Variants in DRAM1 observed in about 807,000 individuals in gnomAD.
DRAM1 encodes the protein DNA damage-regulated autophagy modulator protein 1.
A neutral mutation model predicts 28.5 loss-of-function variants in DRAM1; 25 were observed. The observed-to-expected ratio is 0.88, with a 90% CI of 0.64 to 1.23. The LOEUF is 1.23. Among genes scored for constraint, DRAM1 ranks in the 50% most tolerant of loss-of-function variants. The pLI is 0.00. For missense variants in DRAM1, 249 were observed against 299.2 expected (o/e 0.83, Z 1.24); for synonymous variants, 113 against 114.2 (o/e 0.99, Z 0.07).
Position 101,897,552 on chromosome 12 carries a change from G to T in DRAM1, c.132-311G>T, listed in dbSNP as rs546929315. ...TTTGTTTTTGTTTTTCTTTTTCAAA[G>T]TAGTCATTCTTCACTGAGAAGGAAC... On this transcript the variant is annotated intron_variant, in intron 1 of 6. Transcript: ENST00000258534. Among the ~76,000 whole-genome samples, 13 of 150,656 alleles carry T rather than the reference G, an allele frequency of 8.6e-5. No individual in the cohort carries two copies. The South Asian group carries it at 2.7e-3, about 32-fold the overall frequency.
intron 1 of DRAM1, among the ~76,000 whole-genome samples, chr12:101,887,469 C>T (rs1465589351): frequency 1.3e-5 from 2 of 151,972 alleles, no homozygotes; most frequent in Non-Finnish European, 2.9e-5. Flanking sequence ...CATTGATACA[C>T]TTTAAGTTAA....
intron 1 of DRAM1, among the ~76,000 whole-genome samples, chr12:101,886,128 GA>G (rs1872879190): frequency 6.6e-6 from 1 of 152,200 alleles, no homozygotes; most frequent in Non-Finnish European, 1.5e-5. Flanking sequence ...CACAGTTAGA[GA>G]TGAAATCCTT....
At chr12:101,906,879 G>GAA (rs1873834944) in intron 3 of DRAM1, among the ~76,000 whole-genome samples, 1 of 140,388 alleles carries the variant, frequency 7.1e-6, no homozygotes, top group Non-Finnish European at 1.5e-5. Flanking sequence ...AAAAAGAAAA[G>GAA]AAAAGAAAAG....
Position 101,877,971 on chromosome 12 carries a change from A to T in DRAM1, c.131+51A>T. The T allele has an allele frequency of 7.1e-7, 1 of 1,401,866 alleles. No individual in the cohort carries two copies. Among genetic ancestry groups the T allele is most frequent in the Admixed American group, 2.4e-5 (1 of 41,246 alleles). 86.8% of individuals were successfully genotyped at this position (1,401,866 alleles called of 1,614,324 possible). On this transcript the variant is annotated intron_variant, in intron 1 of 6. Transcript: ENST00000258534. This position sits in a 1 kb window ranked among gnomAD's most constrained non-coding sequence, Gnocchi z 4.1. ...CCCCAGGAGCAGGCACAGGGACCAC[A>T]GGGAGCGCTGCCGACGGGGAGGGAA...
chr12:101,890,702 T>C (rs1324997597), intron 1 of DRAM1, among the ~76,000 whole-genome samples: 1 of 152,020 alleles, frequency 6.6e-6, no homozygotes, highest in African/African-American at 2.4e-5. Flanking sequence ...AAATTCTTTT[T>C]AAGTTTCAGA....
chr12:101,892,652 TGAACTATTCTTGA>T (rs1490004933), intron 1 of DRAM1, among the ~76,000 whole-genome samples: 1 of 152,218 alleles, frequency 6.6e-6, no homozygotes, highest in Non-Finnish European at 1.5e-5. Flanking sequence ...AAAGTTTTCA[TGAACTATTCTTGA>T]GCAAAATTTC....
intron 2 of DRAM1, among the ~76,000 whole-genome samples, chr12:101,899,652 C>T (rs1490130558): frequency 6.7e-6 from 1 of 149,018 alleles, no homozygotes; most frequent in Non-Finnish European, 1.5e-5. Flanking sequence ...GCACTCCCAC[C>T]CAGGTGACAG....
rs1873236107 is a variant in DRAM1 at position 101,893,809 on chromosome 12, A to G, written c.132-4054A>G. ...TTTGGCCAGTACTGATATTCATTCA[A>G]TGGCTATTTGCAAAGTGCTTTTGGT... On this transcript the variant is annotated intron_variant, in intron 1 of 6. Coordinates refer to ENST00000258534, the MANE Select transcript of DRAM1 (RefSeq NM_018370.3). Among the ~76,000 whole-genome samples, 3 of 151,508 alleles carry G rather than the reference A, an allele frequency of 2.0e-5. No homozygotes were observed. The South Asian group carries it at 6.3e-4, about 32-fold the overall frequency.
intron 1 of DRAM1, among the ~76,000 whole-genome samples, chr12:101,896,768 A>G (rs529890423): frequency 1.8e-4 from 27 of 152,198 alleles, no homozygotes; most frequent in African/African-American, 6.5e-4. Flanking sequence ...CTAGAGATCA[A>G]TAATATTGTT....
chr12:101,919,283 C>T (rs911171768), intron 5 of DRAM1, among the ~76,000 whole-genome samples: 27 of 141,804 alleles, frequency 1.9e-4, no homozygotes, highest in Admixed American at 6.2e-4. Context: ...GACACACACA[C>T]GCACACACAC....
At position 101,908,307 on chromosome 12, in the gene DRAM1, C is replaced by T. The variant is rs557287563; in HGVS notation, c.464C>T (p.Ser155Leu). 7.2e-5 allele frequency: 116 copies of T among 1,614,148 alleles called. No homozygotes were observed. Among genetic ancestry groups the T allele is most frequent in the African/African-American group, 1.5e-4 (11 of 75,038 alleles). The change falls in exon 4 of 7, where the codon TCG becomes TTG. Residue 155 changes from serine to leucine, a missense_variant. Coordinates refer to ENST00000258534, the MANE Select transcript of DRAM1 (RefSeq NM_018370.3). The stretch of plus-strand genomic sequence containing the variant: ...TCATGTCCCCAGTGGAACAGTCTCT[C>T]GACATGCCACATACGGATGGTCATC... The part of the protein sequence containing the change: ...YKSCPQWNSL[S>L]TCHIRMVISA...
chr12:101,895,186 G>GTTTTTTTTTTTTTTGTTTTGT (rs1873301395), intron 1 of DRAM1, among the ~76,000 whole-genome samples: 3 of 75,734 alleles, frequency 4.0e-5, no homozygotes, highest in Non-Finnish European at 7.0e-5. Context: ...AACCCTTCAG[G>GTTTTTTTTTTTTTTGTTTTGT]TTTTTTTTTT....
chr12:101,906,606 C>T (rs527541932), intron 3 of DRAM1, among the ~76,000 whole-genome samples: 1 of 152,244 alleles, frequency 6.6e-6, no homozygotes, highest in South Asian at 2.1e-4. Context: ...ATAATCTGAG[C>T]ACTTTGGAAG....
intron 3 of DRAM1, among the ~76,000 whole-genome samples, chr12:101,902,208 CAT>C (rs1487491156): frequency 1.3e-5 from 2 of 152,232 alleles, no homozygotes; most frequent in East Asian, 1.9e-4. Flanking sequence ...TCCTGTGACA[CAT>C]GTTTAAGAAA....
chr12:101,896,551 C>A (rs763272637), intron 1 of DRAM1, among the ~76,000 whole-genome samples: 3 of 152,028 alleles, frequency 2.0e-5, no homozygotes, highest in Non-Finnish European at 4.4e-5. Flanking sequence ...ATTGCTTGAG[C>A]TCAGGACTTC....
intron 1 of DRAM1, among the ~76,000 whole-genome samples, chr12:101,892,645 G>A (rs1196251620): frequency 6.6e-6 from 1 of 152,036 alleles, no homozygotes; most frequent in Non-Finnish European, 1.5e-5. Context: ...CTCTTGGAAA[G>A]TTTTCATGAA....
intron 1 of DRAM1, among the ~76,000 whole-genome samples, chr12:101,883,730 G>A (rs1343347241): frequency 3.3e-5 from 5 of 151,756 alleles, no homozygotes; most frequent in Non-Finnish European, 7.4e-5. Flanking sequence ...GAGGTCAAGA[G>A]ATCGCAACCA....
chr12:101,901,697 T>C (rs1287610835), intron 3 of DRAM1: 1 of 366,722 alleles, frequency 2.7e-6, no homozygotes, highest in Non-Finnish European at 4.9e-6. Flanking sequence ...CTGGCCAACA[T>C]GGTGAAGCCT....
intron 1 of DRAM1, chr12:101,890,345 GCT>G: frequency 2.8e-5 from 7 of 247,048 alleles, no homozygotes; most frequent in Non-Finnish European, 4.8e-5. Context: ...CTCCCAAAGT[GCT>G]GGGATGACAG....
Sources: allele counts gnomAD v4.1 joint callset (sites outside exome capture counted in the v4.1 genomes callset), GRCh38; gene constraint gnomAD v4.1.1; non-coding constraint Gnocchi (gnomAD v3.1); transcripts MANE v1.5; gene names NCBI Gene and HGNC (gene_info 2026-07-23, HGNC 2026-07-21).